EIF5A: variants seen among roughly 807,000 people sequenced by gnomAD.
The protein encoded by EIF5A is eukaryotic translation initiation factor 5A-1.
In EIF5A, 1 loss-of-function variant was observed where a neutral mutation model predicts 16.6. The observed-to-expected ratio is 0.06, with a 90% CI of 0.02 to 0.28. The LOEUF (loss-of-function observed/expected upper bound fraction) is 0.28, where lower values mean the gene tolerates loss of function less well. EIF5A is among the 10% of genes least tolerant of loss of function. EIF5A has a pLI of 1.00. For synonymous variants in EIF5A, 80 were observed against 73.6 expected, an observed-to-expected ratio of 1.09 and a Z score of -0.44; for missense variants, 29 against 196.1, an observed-to-expected ratio of 0.15 and a Z score of 5.09.
chr17:7,309,868 G>A, intron 2 of EIF5A, 68 bp downstream of exon 2: 1 of 1,613,988 alleles, frequency 6.2e-7, no homozygotes, highest in Non-Finnish European at 8.5e-7. Flanking sequence ...CCAGCAGCAA[G>A]CTGCCAACAG....
intron 2 of EIF5A, chr17:7,310,710 C>T: frequency 2.0e-6 from 2 of 985,412 alleles, no homozygotes; most frequent in Non-Finnish European, 2.4e-6. Flanking sequence ...GAAACTTTTA[C>T]TCAGACTCCT....
intron 1 of EIF5A, among the ~76,000 whole-genome samples, chr17:7,309,314 G>A (rs992765381): frequency 3.3e-5 from 5 of 152,136 alleles, no homozygotes; most frequent in African/African-American, 9.7e-5. Context: ...CCACTCCCAG[G>A]AAGTAGGCCT....
intron 1 of EIF5A, among the ~76,000 whole-genome samples, chr17:7,309,266 G>A (rs781252659): frequency 1.3e-5 from 2 of 152,096 alleles, no homozygotes; most frequent in Admixed American, 6.5e-5. Flanking sequence ...GGGAAGAGGG[G>A]TGGTTGGTTT....
chr17:7,309,131 G>C lies in EIF5A; in HGVS notation c.-21-484G>C, dbSNP rs370356146. Among the ~76,000 whole-genome samples, 67 of 150,552 alleles carry C rather than the reference G, an allele frequency of 4.5e-4. No homozygotes were observed. In the South Asian group the frequency reaches 0.014, roughly 30 times the overall value. ...GCAGTGACTGGTTTGTGTGTGGATG[G>C]GGGGGGGCAGTGTAACAGATGGGTG... On this transcript the variant is annotated intron_variant, in intron 1 of 5. Transcript: ENST00000336458.
upstream of EIF5A, chr17:7,307,536 C>T: frequency 9.9e-7 from 1 of 1,008,694 alleles, no homozygotes. Context: ...TGCGCTTGCG[C>T]AGTGCGGGGG....
chr17:7,312,427 C>G lies in EIF5A; in HGVS notation c.*617C>G. ...CCCCGACACATTTGTTAAAATCAAA[C>G]CTGAATAAAACTACAAGTTTAATAT... On this transcript the variant is annotated 3_prime_UTR_variant, in exon 6 of 6. Transcript: ENST00000336458. 3.6e-6 allele frequency: 1 copy of G among 277,354 alleles called. No homozygotes were observed. Among genetic ancestry groups the G allele is most frequent in the Non-Finnish European group, 7.4e-6 (1 of 135,232 alleles). 17.2% of individuals were successfully genotyped at this position (277,354 alleles called of 1,614,324 possible).
rs753375528 is a variant in EIF5A, at chr17:7,311,170, G to GGA, written c.270+50_270+51dup. ...GATGGGTTAGCGGTTTATGGTGGAG[G>GGA]GAGGGGTTGGGGGATAGGGACTGAC... On this transcript the variant is annotated intron_variant, in intron 3 of 5. Transcript: ENST00000336458. 5.0e-6 allele frequency: 8 copies of GGA among 1,602,078 alleles called. 1 individual carries two copies. The Middle Eastern group carries it at 5.0e-4, about 100-fold the overall frequency.
rs575301387 is a variant in EIF5A at position 7,312,037 on chromosome 17, T to C, written c.*227T>C. 1.4e-4 allele frequency: 34 copies of C among 247,750 alleles called. No individual in the cohort carries two copies. Among genetic ancestry groups the C allele is most frequent in the African/African-American group, 6.3e-4 (28 of 44,224 alleles). 15.3% of individuals were successfully genotyped at this position (247,750 alleles called of 1,614,324 possible). ...AGCGAAGCTGTGGCCTTGGTGAAGC[T>C]GCCCTCCTCTTCTCCCCTCACACTA... On this transcript the variant is annotated 3_prime_UTR_variant, in exon 6 of 6. Transcript: ENST00000336458.
At chr17:7,310,164 T>C in intron 2 of EIF5A, 1 of 1,297,298 alleles carries the variant, frequency 7.7e-7, no homozygotes, top group Non-Finnish European at 1.0e-6. Context: ...GTTGCTTCCA[T>C]CACGTTGCCC....
chr17:7,309,734 C>T lies in EIF5A; in HGVS notation c.99C>T (p.Leu33=). 3.1e-6 allele frequency: 5 copies of T among 1,614,204 alleles called. No individual in the cohort carries two copies. The highest frequency in any genetic ancestry group is 4.2e-6 in the Non-Finnish European group (5 of 1,180,046). ...TACGTAAGAATGGCTTTGTGGTGCT[C>T]AAAGGCCGGCCATGTAAGATCGTCG... The part of the protein sequence containing the change: ...SALRKNGFVV[L]KGRPCKIVEM... Residue 33 remains leucine, a synonymous_variant, in exon 2 of 6, where the codon CTC becomes CTT. Coordinates refer to ENST00000336458, the MANE Select transcript of EIF5A (RefSeq NM_001970.5).
chr17:7,310,199 C>A, intron 2 of EIF5A: 1 of 1,291,800 alleles, frequency 7.7e-7, no homozygotes, highest in Non-Finnish European at 1.0e-6. Context: ...TCTACGCCTT[C>A]CCCTGGAGGG....
upstream of EIF5A, chr17:7,307,180 G>C: frequency 1.3e-6 from 2 of 1,491,432 alleles, no homozygotes; most frequent in South Asian, 1.3e-5. Flanking sequence ...CGTTCTAGAC[G>C]AGACAAGTGA....
At chr17:7,310,037 C>T (rs1567612177) in intron 2 of EIF5A, 5 of 1,496,746 alleles carry the variant, frequency 3.3e-6, no homozygotes, top group Non-Finnish European at 1.8e-6. Flanking sequence ...CCCTCCGTTT[C>T]TCCAGCTTTG....
intron 1 of EIF5A, chr17:7,308,421 G>T (rs2072701247): frequency 1.5e-6 from 2 of 1,297,498 alleles, no homozygotes; most frequent in Non-Finnish European, 2.0e-6. Context: ...CGGGGGTTCC[G>T]AGGGGGCCTG....
At chr17:7,307,268 C>G (rs1454902467), upstream of EIF5A, 3 of 1,175,030 alleles carry the variant, frequency 2.6e-6, no homozygotes, top group East Asian at 2.7e-5. Flanking sequence ...ATTCCGAACA[C>G]GCATGCGTTC....
At chr17:7,309,462 C>T in intron 1 of EIF5A, 153 bp from the exon 2 acceptor site, 1 of 980,528 alleles carries the variant, frequency 1.0e-6, no homozygotes, top group Non-Finnish European at 1.5e-6. Context: ...TATATTTGAG[C>T]CCAGTCAGTA....
At chr17:7,310,199 C>T in intron 2 of EIF5A, 1 of 1,291,800 alleles carries the variant, frequency 7.7e-7, no homozygotes, top group African/African-American at 1.5e-5. Context: ...TCTACGCCTT[C>T]CCCTGGAGGG....
chr17:7,308,045 G>GGCCAGATC, intron 1 of EIF5A: 1 of 986,366 alleles, frequency 1.0e-6, no homozygotes, highest in South Asian at 4.5e-5. Flanking sequence ...GAGGGCCAGG[G>GGCCAGATC]GCCAGATCGG....
At position 7,307,640 on chromosome 17, in the gene EIF5A, G is replaced by A; in HGVS notation, c.-134G>A. ...AGTCGGCGCCTGCGTACTAAGACCCGTGTGCAGCAGCGGCGGCGGCGGTAG... is the reference window on the plus strand; with the variant it reads ...AGTCGGCGCCTGCGTACTAAGACCCATGTGCAGCAGCGGCGGCGGCGGTAG... On this transcript the variant is annotated 5_prime_UTR_variant, in exon 1 of 6. The change creates a new upstream start codon in the 5' untranslated region. Coordinates refer to ENST00000336458, the MANE Select transcript of EIF5A (RefSeq NM_001970.5). 9.5e-7 allele frequency: 1 copy of A among 1,047,422 alleles called. No individual in the cohort carries two copies. Among genetic ancestry groups the A allele is most frequent in the East Asian group, 1.0e-4 (1 of 9,894 alleles). 64.9% of individuals were successfully genotyped at this position (1,047,422 alleles called of 1,614,324 possible).
Sources: gnomAD v4.1 joint callset for allele counts (sites outside exome capture counted in the v4.1 genomes callset) on GRCh38, gnomAD v4.1.1 for gene constraint, MANE v1.5 for transcripts, NCBI Gene and HGNC (gene_info 2026-07-23, HGNC 2026-07-21) for gene names.